The following THNSL1 variants were observed in gnomAD, a reference collection of about 807,000 sequenced individuals.
THNSL1 encodes the protein threonine synthase like 1, also known as threonine synthase-like 1.
In THNSL1, 48 loss-of-function variants were observed where a neutral mutation model predicts 50.4. The ratio of observed to expected loss-of-function variants is 0.95; its 90% confidence interval spans 0.76 to 1.21. The LOEUF is 1.21. Among genes scored for constraint, THNSL1 ranks in the 50% most tolerant of loss-of-function variants. THNSL1 has a pLI of 0.00. For synonymous variants in THNSL1, 309 were observed against 306.1 expected (o/e 1.01, Z -0.10); for missense variants, 896 against 871.7 (o/e 1.03, Z -0.35).
At chr10:24,959,565 A>G in the THNSL1 span, among the ~76,000 whole-genome samples, 1 of 152,220 alleles carries the variant, frequency 6.6e-6, no homozygotes, top group Non-Finnish European at 1.5e-5. Flanking sequence ...AAGTAAGCAA[A>G]GTTAAGCCAA....
chr10:24,977,752 T>C, the THNSL1 span, among the ~76,000 whole-genome samples: 8 of 152,362 alleles, frequency 5.3e-5, no homozygotes, highest in Non-Finnish European at 1.0e-4. Flanking sequence ...TGTATGTGTG[T>C]ATATATATGC....
At chr10:25,003,510 G>A in the THNSL1 span, among the ~76,000 whole-genome samples, 3 of 152,120 alleles carry the variant, frequency 2.0e-5, no homozygotes, top group East Asian at 5.8e-4. Context: ...CCAAGCCTGT[G>A]TTTCTATTTC....
At chr10:24,985,737 A>C in the THNSL1 span, among the ~76,000 whole-genome samples, 1 of 152,218 alleles carries the variant, frequency 6.6e-6, no homozygotes, top group Non-Finnish European at 1.5e-5. Context: ...ATTCAATGAA[A>C]TTTTATAAGT....
At chr10:24,986,334 G>T in the THNSL1 span, among the ~76,000 whole-genome samples, 1 of 152,266 alleles carries the variant, frequency 6.6e-6, no homozygotes, top group East Asian at 1.9e-4. Context: ...TGGGGAAAAG[G>T]GCAACAAATT....
chr10:25,018,659 G>GTTTTTTTTTTTTTTTTTTT (rs374289213), intron 1 of THNSL1, among the ~76,000 whole-genome samples: 1 of 93,716 alleles, frequency 1.1e-5, no homozygotes, highest in African/African-American at 3.5e-5. Context: ...AATGAGAGTT[G>GTTTTTTTTTTTTTTTTTTT]TTTTTTTTTT....
chr10:25,018,725 A>G (rs1027292380), intron 1 of THNSL1, among the ~76,000 whole-genome samples: 1 of 147,266 alleles, frequency 6.8e-6, no homozygotes, highest in Non-Finnish European at 1.5e-5. Flanking sequence ...ATGGGTGTAG[A>G]TGAGTATATA....
chr10:24,984,909 C>A, the THNSL1 span: 5 of 1,609,136 alleles, frequency 3.1e-6, no homozygotes, highest in Middle Eastern at 5.0e-4. Flanking sequence ...TCAGCCCCTG[C>A]AAATGGTCAA....
At chr10:24,978,959 G>A in the THNSL1 span, among the ~76,000 whole-genome samples, 1 of 152,160 alleles carries the variant, frequency 6.6e-6, no homozygotes, top group Non-Finnish European at 1.5e-5. Context: ...CAGACCTGCT[G>A]ATTTTTTAAA....
the THNSL1 span, among the ~76,000 whole-genome samples, chr10:24,997,376 C>T: frequency 1.4e-5 from 2 of 147,918 alleles, no homozygotes; most frequent in Non-Finnish European, 3.0e-5. Flanking sequence ...ACCCTGCATT[C>T]CTTTTTTTTT....
chr10:25,016,763 C>T (rs908654278), intron 1 of THNSL1, 71 bp downstream of exon 1: 7 of 152,362 alleles, frequency 4.6e-5, no homozygotes, highest in Non-Finnish European at 8.8e-5. Context: ...CTTTCATTTC[C>T]CCCGTCTTCT....
chr10:25,001,598 CTG>C, the THNSL1 span, among the ~76,000 whole-genome samples: 1 of 151,964 alleles, frequency 6.6e-6, no homozygotes, highest in Non-Finnish European at 1.5e-5. Context: ...TGTTCTATTA[CTG>C]TGTCTTCAAA....
At chr10:24,961,923 A>G in the THNSL1 span, among the ~76,000 whole-genome samples, 684 of 152,292 alleles carry the variant, frequency 4.5e-3, 4 homozygotes, top group Non-Finnish European at 6.1e-3. Flanking sequence ...TATCTGTTCA[A>G]TGGAGATCAT....
the THNSL1 span, chr10:24,952,606 C>T: frequency 1.1e-5 from 14 of 1,332,390 alleles, no homozygotes; most frequent in Admixed American, 6.7e-5. This position sits in a 1 kb window ranked among gnomAD's most constrained non-coding sequence, Gnocchi z 5.1. Flanking sequence ...GAAGGGAAGA[C>T]GGCGCGGGAA....
chr10:24,995,668 A>G, the THNSL1 span: 1 of 1,613,240 alleles, frequency 6.2e-7, no homozygotes, highest in South Asian at 1.1e-5. Context: ...GTACTTTGGA[A>G]CTAGTCCTGA....
At chr10:24,971,655 A>T in the THNSL1 span, among the ~76,000 whole-genome samples, 1 of 152,210 alleles carries the variant, frequency 6.6e-6, no homozygotes, top group Non-Finnish European at 1.5e-5. Context: ...GCCAGATTTT[A>T]AAAAAGGTAA....
the THNSL1 span, among the ~76,000 whole-genome samples, chr10:25,006,538 C>T: frequency 6.6e-6 from 1 of 152,276 alleles, no homozygotes; most frequent in East Asian, 1.9e-4. Flanking sequence ...AGACTTTAAG[C>T]AAACGTGCAT....
the THNSL1 span, among the ~76,000 whole-genome samples, chr10:24,978,515 TTA>T: frequency 0.016 from 2,468 of 151,144 alleles, 67 homozygotes; most frequent in African/African-American, 0.057. Flanking sequence ...CTCTCTCTCT[TTA>T]TAAATAATAG....
the THNSL1 span, chr10:24,984,702 T>C: frequency 2.6e-6 from 4 of 1,552,270 alleles, no homozygotes; most frequent in Admixed American, 2.1e-5. Context: ...TTCCCCTACA[T>C]TGAAATTGTT....
At chr10:24,979,632 C>T in the THNSL1 span, among the ~76,000 whole-genome samples, 1 of 152,180 alleles carries the variant, frequency 6.6e-6, no homozygotes, top group Admixed American at 6.5e-5. Flanking sequence ...TGCCTTCTCA[C>T]TTTGTCCCAA....
Sources: allele counts gnomAD v4.1 joint callset (sites outside exome capture counted in the v4.1 genomes callset), GRCh38; gene constraint gnomAD v4.1.1; non-coding constraint Gnocchi (gnomAD v3.1); transcripts MANE v1.5; gene names NCBI Gene and HGNC (gene_info 2026-07-23, HGNC 2026-07-21).